Variants in HTR1F observed in about 807,000 individuals in gnomAD.
The protein encoded by HTR1F is 5-hydroxytryptamine receptor 1F, also known as 5-hydroxytryptamine (serotonin) receptor 1F, G protein-coupled.
HTR1F carries 17 observed loss-of-function variants against 24.0 expected under a neutral mutation model. The observed-to-expected ratio is 0.71, with a 90% CI of 0.48 to 1.06. The LOEUF (loss-of-function observed/expected upper bound fraction) is 1.06, where lower values mean the gene tolerates loss of function less well. Ranked by LOEUF, HTR1F falls within the 50% of genes least tolerant of loss-of-function variation. The probability of loss-of-function intolerance (pLI) is 0.00; values close to 1 mark genes in which losing one functional copy is unlikely to be tolerated. For synonymous variants in HTR1F, 186 were observed against 156.8 expected (o/e 1.19, Z -1.39); for missense variants, 391 against 427.8 (o/e 0.91, Z 0.76).
chr3:87,822,245 C>T (rs950667081), intron 2 of HTR1F, among the ~76,000 whole-genome samples, 121 bp downstream of exon 2: 3 of 152,120 alleles, frequency 2.0e-5, no homozygotes, highest in African/African-American at 7.2e-5. Context: ...GTCCATATGA[C>T]TCCTGCTTCC....
chr3:87,869,097 AACTT>A, intron 2 of HTR1F, among the ~76,000 whole-genome samples: 1 of 152,036 alleles, frequency 6.6e-6, no homozygotes, highest in African/African-American at 2.4e-5. Context: ...TCAATCCTTG[AACTT>A]TATTGTTATC....
intron 2 of HTR1F, among the ~76,000 whole-genome samples, chr3:87,914,531 C>G (rs1245971386): frequency 1.3e-5 from 2 of 152,060 alleles, no homozygotes; most frequent in African/African-American, 4.8e-5. Flanking sequence ...ACCAGCCTTT[C>G]TGATTGTTTA....
intron 2 of HTR1F, among the ~76,000 whole-genome samples, chr3:87,837,618 C>T (rs1011863909): frequency 2.0e-5 from 3 of 152,016 alleles, no homozygotes; most frequent in Non-Finnish European, 4.4e-5. Flanking sequence ...CAAAAAATGT[C>T]CTCCACAGTT....
chr3:87,797,743 A>T (rs1575880668), intron 1 of HTR1F, among the ~76,000 whole-genome samples: 1 of 152,354 alleles, frequency 6.6e-6, no homozygotes, highest in South Asian at 2.1e-4. Context: ...CAACTCTGAA[A>T]AAGTTTCAAA....
chr3:87,844,936 C>T (rs1348935676), intron 2 of HTR1F, among the ~76,000 whole-genome samples: 2 of 149,424 alleles, frequency 1.3e-5, no homozygotes, highest in African/African-American at 5.1e-5. Context: ...GTTACTGTAG[C>T]CTTGTAGTAT....
chr3:87,869,386 CAAACAGATAGATAGATAGAT>C (rs1705497345), intron 2 of HTR1F, among the ~76,000 whole-genome samples: 1 of 137,392 alleles, frequency 7.3e-6, no homozygotes, highest in Non-Finnish European at 1.6e-5. Flanking sequence ...GATAGATAGA[CAAACAGATAGATAGATAGAT>C]AGATAGATAG....
chr3:87,911,752 T>C (rs563657073), intron 2 of HTR1F, among the ~76,000 whole-genome samples: 148 of 152,182 alleles, frequency 9.7e-4, no homozygotes, highest in African/African-American at 3.5e-3. Flanking sequence ...GAATGCAAGA[T>C]TTGTTCAACA....
intron 2 of HTR1F, among the ~76,000 whole-genome samples, chr3:87,845,246 G>C (rs941608937): frequency 6.6e-6 from 1 of 151,724 alleles, no homozygotes; most frequent in African/African-American, 2.4e-5. Context: ...AATTAGGCAG[G>C]AGAAGGAAAT....
intron 2 of HTR1F, among the ~76,000 whole-genome samples, chr3:87,888,996 T>C (rs1157953541): frequency 6.6e-6 from 1 of 152,162 alleles, no homozygotes; most frequent in African/African-American, 2.4e-5. Context: ...TGGGGGAATA[T>C]CCTTCACGAA....
chr3:87,972,396 A>G (rs1705303775), intron 2 of HTR1F, among the ~76,000 whole-genome samples: 1 of 152,202 alleles, frequency 6.6e-6, no homozygotes, highest in Non-Finnish European at 1.5e-5. Flanking sequence ...AGTACTTCAC[A>G]TACATTTTCC....
intron 2 of HTR1F, among the ~76,000 whole-genome samples, chr3:87,916,309 G>GAAAAAAA (rs34801984): frequency 1.1e-4 from 12 of 111,058 alleles, no homozygotes; most frequent in South Asian, 3.5e-4. Context: ...AAGCAAAAAA[G>GAAAAAAA]AAAAAAAAAA....
intron 2 of HTR1F, among the ~76,000 whole-genome samples, chr3:87,854,658 A>C (rs1178683624): frequency 6.6e-6 from 1 of 151,998 alleles, no homozygotes; most frequent in African/African-American, 2.4e-5. Context: ...ATTTGGAAAA[A>C]CATATTTGAA....
At chr3:87,931,046 T>TA (rs1704254598) in intron 2 of HTR1F, among the ~76,000 whole-genome samples, 1 of 113,100 alleles carries the variant, frequency 8.8e-6, no homozygotes, top group Non-Finnish European at 1.8e-5. Context: ...TTTTTTTTTT[T>TA]ACTTTTTTTA....
Position 87,919,182 on chromosome 3 carries a change from T to G in HTR1F, c.-42-71526T>G, listed in dbSNP as rs560238780. 5.3e-5 allele frequency among the ~76,000 whole-genome samples: 8 copies of G among 152,238 alleles called. No homozygotes were observed. The South Asian group carries it at 6.2e-4, about 12-fold the overall frequency. On this transcript the variant is annotated intron_variant, in intron 2 of 2. Coordinates refer to ENST00000319595, the MANE Select transcript of HTR1F (RefSeq NM_001322209.2). ...AACTGGCTAGCCACATGTAGGAGAA[T>G]GCAACTGGATCCTCATCTCTCACCT...
intron 2 of HTR1F, among the ~76,000 whole-genome samples, chr3:87,829,971 A>T (rs1343345113): frequency 6.6e-6 from 1 of 151,436 alleles, no homozygotes; most frequent in Non-Finnish European, 1.5e-5. Flanking sequence ...TTTATCCTTA[A>T]ATAGTCTTTA....
chr3:87,923,996 T>C (rs1193612286), intron 2 of HTR1F, among the ~76,000 whole-genome samples: 1 of 152,154 alleles, frequency 6.6e-6, no homozygotes, highest in African/African-American at 2.4e-5. Context: ...ATCAGGGTAA[T>C]GCTGGCCTTG....
intron 2 of HTR1F, among the ~76,000 whole-genome samples, chr3:87,978,896 GGA>G (rs1705460255): frequency 3.5e-5 from 3 of 84,682 alleles, no homozygotes; most frequent in African/African-American, 9.5e-5. Context: ...GAGGGAGGAA[GGA>G]AGGAAGGAAG....
At chr3:87,836,025 T>C (rs1704675824) in intron 2 of HTR1F, among the ~76,000 whole-genome samples, 1 of 152,182 alleles carries the variant, frequency 6.6e-6, no homozygotes, top group African/African-American at 2.4e-5. Context: ...AAACCTATAA[T>C]AATTCTAGAT....
chr3:87,926,213 AC>A (rs1483859765), intron 2 of HTR1F, among the ~76,000 whole-genome samples: 1 of 152,218 alleles, frequency 6.6e-6, no homozygotes, highest in Non-Finnish European at 1.5e-5. Flanking sequence ...TAAGTTATAT[AC>A]AAGGTCCTTT....
Sources: gnomAD v4.1 joint callset for allele counts (sites outside exome capture counted in the v4.1 genomes callset) on GRCh38, gnomAD v4.1.1 for gene constraint, MANE v1.5 for transcripts, NCBI Gene and HGNC (gene_info 2026-07-23, HGNC 2026-07-21) for gene names.